SGCZ: variants seen among roughly 807,000 people sequenced by gnomAD.
SGCZ encodes sarcoglycan zeta.
SGCZ carries 40 observed loss-of-function variants against 41.3 expected under a neutral mutation model. The ratio of observed to expected loss-of-function variants is 0.97; its 90% CI spans 0.75 to 1.26. SGCZ has a LOEUF of 1.26. Ranked by LOEUF, SGCZ falls within the 50% of genes most tolerant of loss-of-function variation. SGCZ has a pLI of 0.00. For synonymous variants in SGCZ, 206 were observed against 137.5 expected (o/e 1.50, Z -3.49); for missense variants, 552 against 369.8 (o/e 1.49, Z -4.04).
chr8:14,805,517 C>T (rs1338328754), intron 1 of SGCZ, among the ~76,000 whole-genome samples: 1 of 137,758 alleles, frequency 7.3e-6, no homozygotes, highest in Non-Finnish European at 1.6e-5. Flanking sequence ...ATCAATTCAA[C>T]AAGAGGAGCT....
intron 1 of SGCZ, among the ~76,000 whole-genome samples, chr8:15,164,724 G>T (rs755542676): frequency 1.3e-5 from 2 of 149,292 alleles, no homozygotes; most frequent in Non-Finnish European, 3.0e-5. Context: ...CTTTAATTGT[G>T]AAAAAGGGTT....
At chr8:14,446,276 C>T (rs1362774794) in intron 2 of SGCZ, among the ~76,000 whole-genome samples, 1 of 152,172 alleles carries the variant, frequency 6.6e-6, no homozygotes, top group Non-Finnish European at 1.5e-5. Context: ...ACTGGTTTTA[C>T]CTACTGCTGT....
intron 1 of SGCZ, among the ~76,000 whole-genome samples, chr8:14,689,959 A>G (rs1307694311): frequency 6.6e-6 from 1 of 152,200 alleles, no homozygotes; most frequent in Non-Finnish European, 1.5e-5. Flanking sequence ...GTTATGTGAT[A>G]AAGTCACAAA....
At chr8:14,724,887 A>T (rs889075403) in intron 1 of SGCZ, among the ~76,000 whole-genome samples, 2 of 152,128 alleles carry the variant, frequency 1.3e-5, no homozygotes, top group African/African-American at 4.8e-5. Flanking sequence ...TGAAGCATGC[A>T]ATAAATTATT....
chr8:14,417,652 A>C lies in SGCZ; in HGVS notation c.235-93448T>G, dbSNP rs368055248. ...ATAAACATAAAAATAACGATACAGC[A>C]TGATGACTAGAGTTACTAATAACGT... On this transcript the variant is annotated intron_variant, in intron 2 of 7. Transcript: ENST00000382080. 5.9e-5 allele frequency among the ~76,000 whole-genome samples: 9 copies of C among 152,036 alleles called. No individual in the cohort carries two copies. The East Asian group carries it at 1.2e-3, about 20-fold the overall frequency.
At chr8:14,164,300 G>C (rs1156775555) in intron 5 of SGCZ, among the ~76,000 whole-genome samples, 1 of 151,848 alleles carries the variant, frequency 6.6e-6, no homozygotes, top group Non-Finnish European at 1.5e-5. Context: ...CTCAGAATTT[G>C]CATTTCATCT....
intron 1 of SGCZ, among the ~76,000 whole-genome samples, chr8:15,193,836 C>G (rs1334339339): frequency 6.6e-6 from 1 of 152,084 alleles, no homozygotes; most frequent in African/African-American, 2.4e-5. Context: ...AATCACAAAC[C>G]ACGTTCTACT....
intron 5 of SGCZ, among the ~76,000 whole-genome samples, chr8:14,112,595 C>A (rs993813253): frequency 1.3e-5 from 2 of 151,998 alleles, no homozygotes; most frequent in Admixed American, 1.3e-4. Context: ...CTGTTTCCCC[C>A]AAATCTAAAT....
At chr8:15,152,963 C>T (rs539270559) in intron 1 of SGCZ, among the ~76,000 whole-genome samples, 1 of 152,278 alleles carries the variant, frequency 6.6e-6, no homozygotes, top group African/African-American at 2.4e-5. Context: ...TGGTGACCCG[C>T]TTTGGACTCT....
At position 14,563,827 on chromosome 8, in the gene SGCZ, A is replaced by G. The variant is rs542407797; in HGVS notation, c.40-8901T>C. ...CAAATTTTATCACTAAGTAGTCAAA[A>G]GATAAAGTCAAAAACAGAATGCAAT... On this transcript the variant is annotated intron_variant, in intron 1 of 7. Coordinates refer to ENST00000382080, the MANE Select transcript of SGCZ (RefSeq NM_139167.4). 2.1e-3 allele frequency among the ~76,000 whole-genome samples: 313 copies of G among 152,316 alleles called. 5 individuals are homozygous for G. The highest frequency in any genetic ancestry group is 6.7e-3 in the African/African-American group (279 of 41,578).
At chr8:15,023,606 T>A (rs2130946619) in intron 1 of SGCZ, among the ~76,000 whole-genome samples, 1 of 152,316 alleles carries the variant, frequency 6.6e-6, no homozygotes, top group Non-Finnish European at 1.5e-5. Flanking sequence ...TTCAGAAAGC[T>A]TTATAGAAAT....
intron 2 of SGCZ, among the ~76,000 whole-genome samples, chr8:14,493,359 C>CTTTTCTTTTTTTTTT (rs1801898587): frequency 2.3e-5 from 1 of 44,268 alleles, no homozygotes; most frequent in South Asian, 1.3e-3. Context: ...ATCATCCTTT[C>CTTTTCTTTTTTTTTT]TTTTTTTTTT....
Position 14,551,613 on chromosome 8 carries a change from T to TAAATATACATAAA in SGCZ, c.234+3118_234+3119insTTTATGTATATTT, listed in dbSNP as rs1803867036. 6.6e-5 allele frequency among the ~76,000 whole-genome samples: 3 copies of TAAATATACATAAA among 45,598 alleles called. 1 individual carries two copies. Among genetic ancestry groups the TAAATATACATAAA allele is most frequent in the African/African-American group, 3.2e-4 (3 of 9,250 alleles). 29.9% of individuals were successfully genotyped at this position (45,598 alleles called of 152,430 possible). A position where few individuals can be genotyped will look rare whatever the true frequency, so the allele number is the denominator to read the frequency against. Reference sequence around the variant, plus strand: ...TAATATATATTATATATATTATATATATACATAAAATATATATATTATATA... The same window carrying TAAATATACATAAA: ...TAATATATATTATATATATTATATATAAATATACATAAAATACATAAAATATATATATTATATA... On this transcript the variant is annotated intron_variant, in intron 2 of 7. Transcript: ENST00000382080.
chr8:14,362,825 G>C (rs948130623), intron 2 of SGCZ, among the ~76,000 whole-genome samples: 3 of 151,180 alleles, frequency 2.0e-5, no homozygotes, highest in Admixed American at 6.6e-5. Flanking sequence ...TGGCCATCTT[G>C]GAAGCTACCC....
intron 2 of SGCZ, among the ~76,000 whole-genome samples, chr8:14,545,855 T>C (rs559693598): frequency 5.3e-5 from 8 of 152,336 alleles, no homozygotes; most frequent in African/African-American, 1.4e-4. Context: ...TCTAGTACTC[T>C]AATGAACTTT....
chr8:14,105,905 A>G (rs1448834763), intron 6 of SGCZ, among the ~76,000 whole-genome samples: 4 of 152,182 alleles, frequency 2.6e-5, no homozygotes. Context: ...TAGAAATAAA[A>G]AAAAGTTCTT....
At chr8:14,841,874 A>G (rs1003486865) in intron 1 of SGCZ, among the ~76,000 whole-genome samples, 2 of 152,196 alleles carry the variant, frequency 1.3e-5, no homozygotes, top group African/African-American at 4.8e-5. Context: ...TGAGGACAAG[A>G]TGAGAACTGA....
rs990601823 is a variant in SGCZ at position 14,974,634 on chromosome 8, G to A, written c.39+262951C>T. On this transcript the variant is annotated intron_variant, in intron 1 of 7. Transcript: ENST00000382080. ...CTTCAGTGTTTTTTGAAGCTCCCCAGCATGTTCCAAGGTGTAAACAAATGT... is the reference window on the plus strand; with the variant it reads ...CTTCAGTGTTTTTTGAAGCTCCCCAACATGTTCCAAGGTGTAAACAAATGT... Among the ~76,000 whole-genome samples, 3 of 152,122 alleles carry A rather than the reference G, an allele frequency of 2.0e-5. No homozygotes were observed. In the East Asian group the frequency reaches 5.8e-4, roughly 29 times the overall value.
At chr8:14,237,874 T>C (rs1806825848) in intron 3 of SGCZ, among the ~76,000 whole-genome samples, 195 bp from the exon 4 acceptor site, 1 of 152,172 alleles carries the variant, frequency 6.6e-6, no homozygotes, top group Non-Finnish European at 1.5e-5. Context: ...TGACAGAATA[T>C]TTCATTTTCA....
Sources: allele counts gnomAD v4.1 joint callset (sites outside exome capture counted in the v4.1 genomes callset), GRCh38; gene constraint gnomAD v4.1.1; transcripts MANE v1.5; gene names NCBI Gene and HGNC (gene_info 2026-07-23, HGNC 2026-07-21).